The following IFITM10 variants were observed in gnomAD, a reference collection of about 807,000 sequenced individuals.
IFITM10 encodes interferon induced transmembrane protein 10.
A neutral mutation model predicts 19.0 loss-of-function variants in IFITM10; 17 were observed. The observed-to-expected ratio is 0.90, with a 90% confidence interval of 0.61 to 1.34. The LOEUF (loss-of-function observed/expected upper bound fraction) is 1.34, where lower values mean the gene tolerates loss of function less well. Among genes scored for constraint, IFITM10 ranks in the 40% most tolerant of loss-of-function variants. The pLI, the probability that IFITM10 is intolerant of heterozygous loss-of-function variation, is 0.00. For missense variants in IFITM10, 306 were observed against 319.8 expected (o/e 0.96, Z 0.33); for synonymous variants, 148 against 147.2 (o/e 1.01, Z -0.04).
intron 2 of IFITM10, among the ~76,000 whole-genome samples, chr11:1,737,104 G>A (rs1455723883): frequency 6.6e-6 from 1 of 152,170 alleles, no homozygotes; most frequent in Non-Finnish European, 1.5e-5. Context: ...CCTTTATAAG[G>A]ACTGAATGTG....
At position 1,747,747 on chromosome 11, in the gene IFITM10, A is replaced by G; in HGVS notation, c.457T>C (p.Tyr153His). Reference sequence around the variant, plus strand: ...AAGTTGAAGATGGACCACAGGTAATAGTCGTTCACCTCGGTGGTGTCCGGG... The same window carrying G: ...AAGTTGAAGATGGACCACAGGTAATGGTCGTTCACCTCGGTGGTGTCCGGG... The part of the protein sequence containing the change: ...VYPDTTEVND[Y>H]YLWSIFNFVY... Residue 153 changes from tyrosine (Y) to histidine (H), a missense_variant, in exon 2 of 3, where the codon TAT (tyrosine) becomes CAT (histidine). Coordinates refer to ENST00000340134, the MANE Select transcript of IFITM10 (RefSeq NM_001170820.4). The G allele has an allele frequency of 6.4e-7, 1 of 1,551,858 alleles. No individual in the cohort carries two copies. Among genetic ancestry groups the G allele is most frequent in the African/African-American group, 1.4e-5 (1 of 73,192 alleles).
chr11:1,746,885 C>T (rs1046833308), intron 2 of IFITM10: 2 of 398,010 alleles, frequency 5.0e-6, no homozygotes, highest in African/African-American at 4.1e-5. Context: ...CCGGGGCCTG[C>T]CCTCGCCCTC....
chr11:1,737,813 A>G (rs1851102559), intron 2 of IFITM10, among the ~76,000 whole-genome samples: 2 of 152,166 alleles, frequency 1.3e-5, no homozygotes, highest in Admixed American at 1.3e-4. Flanking sequence ...TTAATATGGT[A>G]GATTATATTT....
chr11:1,743,810 C>T (rs1225672258), intron 2 of IFITM10, among the ~76,000 whole-genome samples: 1 of 152,130 alleles, frequency 6.6e-6, no homozygotes, highest in South Asian at 2.1e-4. Flanking sequence ...TGCCTCGAGG[C>T]TTGTCTTGTC....
In IFITM10 at chr11:1,748,090, C is replaced by CGGGGCT. The variant is rs1320103760; in HGVS notation, c.108_113dup (p.Ala37_Pro38dup). On this transcript the variant is annotated inframe_insertion, in exon 2 of 3. Transcript: ENST00000340134. ...CCGTGGTGCTGGCCGGGTCTCCCAG[C>CGGGGCT]GGGGCTGGGCACTGGCCGGGGCCCT... The CGGGGCT allele has an allele frequency of 1.4e-6, 2 of 1,405,188 alleles. No homozygotes were observed. The highest frequency in any genetic ancestry group is 1.8e-6 in the Non-Finnish European group (2 of 1,087,126). 87.0% of individuals were successfully genotyped at this position (1,405,188 alleles called of 1,614,324 possible). A position where few individuals can be genotyped will look rare whatever the true frequency, so the allele number is the denominator to read the frequency against.
chr11:1,735,357 T>G lies in IFITM10; in HGVS notation c.610A>C (p.Ile204Leu). The change falls in exon 3 of 3, where the codon ATC becomes CTC. Residue 204 changes from isoleucine to leucine, a missense_variant. Ile to Leu is a conservative substitution (Grantham distance 5). Transcript: ENST00000340134. The part of the protein sequence containing the change: ...EDAKTARLFN[I>L]TSSALAASCI... Reference sequence around the variant, plus strand: ...GAGGCTGCCAGGGCAGAACTGGTGATGTTGAACAGCCGGGCCGTCTTTGCA... The same window carrying G: ...GAGGCTGCCAGGGCAGAACTGGTGAGGTTGAACAGCCGGGCCGTCTTTGCA... The G allele has an allele frequency of 6.4e-7, 1 of 1,551,714 alleles. No homozygotes were observed.
In IFITM10 at chr11:1,750,366, T is replaced by C. The variant is rs1429705435; in HGVS notation, c.77A>G (p.Glu26Gly). ...TGGGTCCTCTTCACCAACCTCCAGC[T>C]CCCACTGAGCCTCGACCCTCTCCAA... is the stretch of plus-strand genomic sequence containing the variant. ...GTLERVEAQW[E>G]LEAQGPGQCP... Residue 26 changes from glutamate to glycine, a missense_variant, in exon 1 of 3, where the codon GAG (glutamate) becomes GGG (glycine). By Grantham distance (98) the Glu-to-Gly change is moderately conservative (BLOSUM62 -2). Transcript: ENST00000340134. 6.5e-7 allele frequency: 1 copy of C among 1,549,996 alleles called. No individual in the cohort carries two copies. Among genetic ancestry groups the C allele is most frequent in the Admixed American group, 2.0e-5 (1 of 50,916 alleles).
intron 2 of IFITM10, among the ~76,000 whole-genome samples, chr11:1,741,864 A>G (rs887390033): frequency 6.6e-6 from 1 of 152,130 alleles, no homozygotes; most frequent in East Asian, 1.9e-4. Flanking sequence ...CATGCGTGGG[A>G]TTGGCACCCT....
intron 2 of IFITM10, among the ~76,000 whole-genome samples, chr11:1,742,343 A>G (rs553538408): frequency 1.5e-3 from 233 of 152,326 alleles, no homozygotes; most frequent in Non-Finnish European, 2.6e-3. Flanking sequence ...AAAGTGGGGC[A>G]AAAGAAAGGA....
intron 2 of IFITM10, among the ~76,000 whole-genome samples, chr11:1,743,409 T>C (rs1363198904): frequency 1.4e-5 from 2 of 145,308 alleles, no homozygotes; most frequent in Non-Finnish European, 3.0e-5. Context: ...GATAGACGGA[T>C]GGATGGAGGG....
At chr11:1,739,757 G>A (rs1392301742) in intron 2 of IFITM10, among the ~76,000 whole-genome samples, 2 of 152,082 alleles carry the variant, frequency 1.3e-5, no homozygotes, top group African/African-American at 2.4e-5. Flanking sequence ...TGACAGACTC[G>A]GCCATGTGTT....
At chr11:1,742,562 C>T (rs888169106) in intron 2 of IFITM10, among the ~76,000 whole-genome samples, 3 of 151,876 alleles carry the variant, frequency 2.0e-5, no homozygotes, top group African/African-American at 4.8e-5. Flanking sequence ...GGAGGAAGGG[C>T]GGGTGGATGT....
At chr11:1,738,428 C>T (rs999598988) in intron 2 of IFITM10, among the ~76,000 whole-genome samples, 14 of 152,108 alleles carry the variant, frequency 9.2e-5, no homozygotes, top group African/African-American at 3.4e-4. Flanking sequence ...AGATGGGGAC[C>T]GTCTGTATAT....
At chr11:1,749,068 T>C in intron 1 of IFITM10, 1 of 1,145,062 alleles carries the variant, frequency 8.7e-7, no homozygotes, top group Non-Finnish European at 1.1e-6. Flanking sequence ...GGTGCGCGCG[T>C]CCTTCCGCCG....
At chr11:1,742,384 G>A (rs560724967) in intron 2 of IFITM10, among the ~76,000 whole-genome samples, 3 of 152,256 alleles carry the variant, frequency 2.0e-5, no homozygotes, top group South Asian at 4.1e-4. Context: ...AAAGAAGAAC[G>A]TGAGAAATTT....
chr11:1,744,346 C>T (rs1394851046), intron 2 of IFITM10: 1 of 152,300 alleles, frequency 6.6e-6, no homozygotes, highest in African/African-American at 2.4e-5. Context: ...AAAAGCTCTC[C>T]AGGCCGAGGA....
chr11:1,747,714 G>C lies in IFITM10; in HGVS notation c.490C>G (p.Leu164Val), dbSNP rs1345875038. The C allele has an allele frequency of 1.9e-6, 3 of 1,551,812 alleles. No individual in the cohort carries two copies. The highest frequency in any genetic ancestry group is 1.7e-6 in the Non-Finnish European group (2 of 1,147,000). Residue 164 changes from leucine (L) to valine (V), a missense_variant, in exon 2 of 3, where the codon CTC becomes GTC. Transcript: ENST00000340134. ...YLWSIFNFVY[L>V]NFCCLGFIAL... ...ATGAAGCCCAGGCAGCAGAAGTTGA[G>C]GTAGACGAAGTTGAAGATGGACCAC...
intron 2 of IFITM10, among the ~76,000 whole-genome samples, chr11:1,738,430 T>C (rs958039283): frequency 5.3e-5 from 8 of 152,116 alleles, no homozygotes; most frequent in Non-Finnish European, 1.2e-4. Context: ...ATGGGGACCG[T>C]CTGTATATGC....
At chr11:1,739,248 G>A (rs34945634) in intron 2 of IFITM10, among the ~76,000 whole-genome samples, 1 of 152,074 alleles carries the variant, frequency 6.6e-6, no homozygotes, top group African/African-American at 2.4e-5. Flanking sequence ...GGCTGGGACA[G>A]ATCCATATGC....
Sources: allele counts gnomAD v4.1 joint callset (sites outside exome capture counted in the v4.1 genomes callset), GRCh38; gene constraint gnomAD v4.1.1; transcripts MANE v1.5; gene names NCBI Gene and HGNC (gene_info 2026-07-23, HGNC 2026-07-21).